The following ANKRD44 variants were observed in gnomAD, a reference collection of about 807,000 sequenced individuals.
ANKRD44 encodes the protein serine/threonine-protein phosphatase 6 regulatory ankyrin repeat subunit B.
Under a neutral mutation model 116.0 loss-of-function variants are expected in ANKRD44, and 35 were observed. The observed-to-expected ratio is 0.30, with a 90% CI of 0.23 to 0.40. ANKRD44 has a LOEUF of 0.40. Among genes scored for constraint, ANKRD44 ranks in the 10% least tolerant of loss-of-function variants. The pLI, the probability that ANKRD44 is intolerant of heterozygous loss-of-function variation, is 1.00. For missense variants in ANKRD44, 1,014 were observed against 1,242.6 expected (o/e 0.82, Z 2.77); for synonymous variants, 435 against 461.8 (o/e 0.94, Z 0.74).
At chr2:197,202,575 GT>G (rs2081116504) in intron 1 of ANKRD44, among the ~76,000 whole-genome samples, 2 of 151,814 alleles carry the variant, frequency 1.3e-5, no homozygotes, top group South Asian at 4.2e-4. Flanking sequence ...CCTCTTTTTT[GT>G]TTTTTGTTTG....
chr2:196,990,125 CTTA>C (rs1267908375), intron 27 of ANKRD44: 1 of 999,522 alleles, frequency 1.0e-6, no homozygotes, highest in Non-Finnish European at 1.2e-6. Flanking sequence ...TATTCAAATG[CTTA>C]CTATAGAGAG....
rs34442753 is a variant in ANKRD44, at chr2:197,089,954, T to A, written c.1179A>T (p.Ser393=). Residue 393 remains serine, a synonymous_variant, in exon 11 of 28, where the codon TCA becomes TCT. Coordinates refer to ENST00000282272, the MANE Select transcript of ANKRD44 (RefSeq NM_001195144.2). ...AHSDCCRKLL[S]SGFEIDTPDK... ...TCTGCTAACAGATTTACTTACCCGA[T>A]GATAACAACTTTCTGCAGCAGTCAG... The A allele has an allele frequency of 6.2e-7, 1 of 1,613,806 alleles. No homozygotes were observed. Among genetic ancestry groups the A allele is most frequent in the Non-Finnish European group, 8.5e-7 (1 of 1,179,744 alleles).
At chr2:197,243,609 GA>G (rs1211131788) in intron 1 of ANKRD44, among the ~76,000 whole-genome samples, 2 of 152,188 alleles carry the variant, frequency 1.3e-5, no homozygotes, top group African/African-American at 4.8e-5. Flanking sequence ...AAACAACAGA[GA>G]TTTATTGCTC....
intron 16 of ANKRD44, among the ~76,000 whole-genome samples, chr2:197,060,056 T>C (rs2077278162): frequency 6.6e-6 from 1 of 152,184 alleles, no homozygotes; most frequent in Non-Finnish European, 1.5e-5. Context: ...GGACATGCTG[T>C]CCCCTAAAGT....
intron 10 of ANKRD44, among the ~76,000 whole-genome samples, chr2:197,092,566 C>T (rs189571169): frequency 5.2e-4 from 79 of 152,270 alleles, no homozygotes; most frequent in African/African-American, 1.5e-3. Context: ...ATTCGGTCTT[C>T]CCTCTGTTTG....
At chr2:197,109,154 G>GT (rs948790291) in intron 9 of ANKRD44, among the ~76,000 whole-genome samples, 7 of 152,212 alleles carry the variant, frequency 4.6e-5, no homozygotes, top group South Asian at 2.1e-4. Context: ...GAACCAAGCT[G>GT]TTTAAGTTTT....
At chr2:197,192,488 A>G (rs1488203471) in intron 1 of ANKRD44, among the ~76,000 whole-genome samples, 1 of 152,242 alleles carries the variant, frequency 6.6e-6, no homozygotes, top group Non-Finnish European at 1.5e-5. Context: ...TTCTGAGTAC[A>G]TATGTCATTA....
chr2:197,283,204 C>T (rs1413859029), intron 1 of ANKRD44, among the ~76,000 whole-genome samples: 1 of 152,144 alleles, frequency 6.6e-6, no homozygotes, highest in African/African-American at 2.4e-5. Context: ...TTTGGTTACC[C>T]TTGTCCAGCA....
intron 1 of ANKRD44, among the ~76,000 whole-genome samples, chr2:197,258,801 C>T (rs1222812252): frequency 6.6e-6 from 1 of 152,200 alleles, no homozygotes; most frequent in African/African-American, 2.4e-5. Context: ...AGTGGTATCT[C>T]ATTTGTGGTT....
At position 196,989,126 on chromosome 2, in the gene ANKRD44, T is replaced by G. The variant is rs1028204720; in HGVS notation, c.*465A>C. On this transcript the variant is annotated 3_prime_UTR_variant, in exon 28 of 28. Coordinates refer to ENST00000282272, the MANE Select transcript of ANKRD44 (RefSeq NM_001195144.2). ...TTTTGGCTAGCCCAGGGTCAAGTGTTTTTTTTTTCACTTTTTTTTTGTTAT... is the reference window on the plus strand; with the variant it reads ...TTTTGGCTAGCCCAGGGTCAAGTGTGTTTTTTTTCACTTTTTTTTTGTTAT... The G allele has an allele frequency of 4.1e-6, 4 of 984,282 alleles. No homozygotes were observed. The highest frequency in any genetic ancestry group is 1.8e-5 in the African/African-American group (1 of 56,970). 61.0% of individuals were successfully genotyped at this position (984,282 alleles called of 1,614,324 possible).
intron 11 of ANKRD44, 100 bp from the exon 12 acceptor site, chr2:197,088,874 G>T: frequency 7.5e-7 from 1 of 1,337,052 alleles, no homozygotes; most frequent in Non-Finnish European, 1.0e-6. Flanking sequence ...AAATCAGTTA[G>T]TAGAAAAACC....
intron 16 of ANKRD44, among the ~76,000 whole-genome samples, chr2:197,065,018 T>C (rs1290168076): frequency 1.3e-5 from 2 of 152,130 alleles, no homozygotes; most frequent in Admixed American, 6.6e-5. Flanking sequence ...CAGCACCACA[T>C]CGCACTTATT....
intron 17 of ANKRD44, among the ~76,000 whole-genome samples, chr2:197,021,448 C>T (rs1408142116): frequency 6.6e-6 from 1 of 152,216 alleles, no homozygotes; most frequent in African/African-American, 2.4e-5. Context: ...TTCTCCACAT[C>T]CTCTCCAGCA....
At chr2:197,024,560 T>C (rs935436038) in intron 17 of ANKRD44, among the ~76,000 whole-genome samples, 3 of 152,212 alleles carry the variant, frequency 2.0e-5, no homozygotes, top group Non-Finnish European at 2.9e-5. Context: ...TTGGGGATCA[T>C]CACTCTGAGC....
chr2:197,199,323 A>C (rs2081040877), intron 1 of ANKRD44: 1 of 152,226 alleles, frequency 6.6e-6, no homozygotes, highest in Non-Finnish European at 1.5e-5. Flanking sequence ...TTAGTCAGGG[A>C]TAAAACTTAC....
At chr2:197,247,412 C>A (rs2082217154) in intron 1 of ANKRD44, among the ~76,000 whole-genome samples, 1 of 152,132 alleles carries the variant, frequency 6.6e-6, no homozygotes, top group East Asian at 1.9e-4. Context: ...TACAATGTAC[C>A]CTTTTGTTCC....
chr2:197,116,512 C>T (rs1451816025), intron 8 of ANKRD44, among the ~76,000 whole-genome samples: 2 of 152,204 alleles, frequency 1.3e-5, no homozygotes, highest in African/African-American at 4.8e-5. Context: ...CCTCAGACGA[C>T]AGTTCCTTGG....
intron 16 of ANKRD44, among the ~76,000 whole-genome samples, chr2:197,048,300 A>G (rs2077041662): frequency 6.6e-6 from 1 of 152,036 alleles, no homozygotes; most frequent in South Asian, 2.1e-4. Context: ...TCAACTCGTC[A>G]TTTACATTAG....
At chr2:197,034,182 CTT>C (rs1202896413) in intron 16 of ANKRD44, among the ~76,000 whole-genome samples, 1 of 151,894 alleles carries the variant, frequency 6.6e-6, no homozygotes. Context: ...CTCAACCTAT[CTT>C]GTCAAAATCC....
Sources: allele counts gnomAD v4.1 joint callset (sites outside exome capture counted in the v4.1 genomes callset), GRCh38; gene constraint gnomAD v4.1.1; transcripts MANE v1.5; gene names NCBI Gene and HGNC (gene_info 2026-07-23, HGNC 2026-07-21).